PACRG: variants seen among roughly 807,000 people sequenced by gnomAD.
PACRG encodes the protein parkin coregulated gene protein.
A neutral mutation model predicts 29.7 loss-of-function variants in PACRG; 29 were observed. That is an observed-to-expected ratio of 0.98 (90% CI 0.73 to 1.33). The LOEUF (loss-of-function observed/expected upper bound fraction) is 1.33, where lower values mean the gene tolerates loss of function less well. PACRG is among the 40% of genes most tolerant of loss of function. PACRG has a pLI of 0.00. For missense variants in PACRG, 279 were observed against 316.2 expected (o/e 0.88, Z 0.89); for synonymous variants, 116 against 118.7 (o/e 0.98, Z 0.15).
At position 163,161,714 on chromosome 6, in the gene PACRG, T is replaced by C. The variant is rs140511664; in HGVS notation, c.613+72306T>C. 3.9e-5 allele frequency among the ~76,000 whole-genome samples: 6 copies of C among 152,302 alleles called. No individual in the cohort carries two copies. The East Asian group carries it at 9.7e-4, about 25-fold the overall frequency. ...GAAGTTGAAAAGGTTGTCAAGGTCC[T>C]CATTTTCTTAATTTGGTGTTTTACG... On this transcript the variant is annotated intron_variant, in intron 4 of 4. Transcript: ENST00000366888.
At chr6:162,874,279 C>T (rs923743130) in intron 2 of PACRG, among the ~76,000 whole-genome samples, 2 of 151,924 alleles carry the variant, frequency 1.3e-5, no homozygotes, top group South Asian at 4.2e-4. Flanking sequence ...ATTAATAAGA[C>T]AAACTATTTT....
chr6:162,848,817 A>G lies in PACRG; in HGVS notation c.291+34536A>G, dbSNP rs554496217. Among the ~76,000 whole-genome samples, 413 of 152,362 alleles carry G rather than the reference A, an allele frequency of 2.7e-3. 1 individual carries two copies. The highest frequency in any genetic ancestry group is 4.7e-3 in the Non-Finnish European group (323 of 68,042). On this transcript the variant is annotated intron_variant, in intron 2 of 4. Coordinates refer to ENST00000366888, the MANE Select transcript of PACRG (RefSeq NM_001080379.2). ...GCACTGGCCTAGATGACAGAAATGC[A>G]GATACTTCATACAAAATTGTCTTTG...
chr6:163,083,450 C>T (rs1813261968), intron 3 of PACRG, among the ~76,000 whole-genome samples: 1 of 152,152 alleles, frequency 6.6e-6, no homozygotes, highest in South Asian at 2.1e-4. Flanking sequence ...ACTGATGTCT[C>T]ATGTCTCCAT....
intron 2 of PACRG, among the ~76,000 whole-genome samples, chr6:163,007,491 T>A (rs941594884): frequency 6.6e-6 from 1 of 152,172 alleles, no homozygotes; most frequent in African/African-American, 2.4e-5. Flanking sequence ...GAAATGTCTT[T>A]ATTTTGTGCT....
chr6:162,763,939 C>T (rs1782578067), intron 1 of PACRG, among the ~76,000 whole-genome samples: 1 of 152,078 alleles, frequency 6.6e-6, no homozygotes, highest in Non-Finnish European at 1.5e-5. Flanking sequence ...TGAAAATAAA[C>T]TGTTAAAGTG....
intron 2 of PACRG, among the ~76,000 whole-genome samples, chr6:162,881,197 T>G (rs1361281142): frequency 6.6e-6 from 1 of 152,202 alleles, no homozygotes; most frequent in Non-Finnish European, 1.5e-5. Context: ...TTAAACGACC[T>G]GGCAGTTTTG....
At chr6:163,242,952 A>G (rs1782555271) in intron 4 of PACRG, among the ~76,000 whole-genome samples, 1 of 152,196 alleles carries the variant, frequency 6.6e-6, no homozygotes, top group South Asian at 2.1e-4. Context: ...TGTTTTGCTG[A>G]TAGTTTAGTC....
intron 2 of PACRG, among the ~76,000 whole-genome samples, chr6:162,933,624 T>TTTTTTTTTTTTTC (rs1397731253): frequency 8.2e-6 from 1 of 121,500 alleles, no homozygotes; most frequent in African/African-American, 3.0e-5. Context: ...TTTTTTTTTT[T>TTTTTTTTTTTTTC]ACTTAAAGTC....
intron 2 of PACRG, among the ~76,000 whole-genome samples, chr6:162,999,838 G>C (rs922586127): frequency 6.6e-6 from 1 of 152,126 alleles, no homozygotes; most frequent in Non-Finnish European, 1.5e-5. Flanking sequence ...CTGGTATTTT[G>C]CAGTCTTTAG....
chr6:163,049,582 A>G (rs73784000), intron 2 of PACRG, among the ~76,000 whole-genome samples: 46 of 152,206 alleles, frequency 3.0e-4, no homozygotes, highest in African/African-American at 1.0e-3. Flanking sequence ...TTTCTCTAAT[A>G]TAAAAGATCT....
At chr6:162,892,998 C>CGT (rs1288425389) in intron 2 of PACRG, among the ~76,000 whole-genome samples, 9 of 150,984 alleles carry the variant, frequency 6.0e-5, no homozygotes, top group Admixed American at 2.6e-4. Flanking sequence ...AGAAGAACCA[C>CGT]CTCAGCCTCA....
chr6:163,244,887 G>T (rs1170738545), intron 4 of PACRG: 3 of 285,850 alleles, frequency 1.0e-5, no homozygotes, highest in Non-Finnish European at 2.1e-5. Context: ...GTAAGAAATT[G>T]CTGAAAACTT....
chr6:163,245,186 A>C, intron 4 of PACRG: 1 of 336,694 alleles, frequency 3.0e-6, no homozygotes, highest in Admixed American at 3.6e-5. Context: ...TTCCCCTAGG[A>C]TGTTCTACGT....
intron 4 of PACRG, among the ~76,000 whole-genome samples, chr6:163,260,227 C>T (rs989517322): frequency 3.9e-5 from 6 of 152,254 alleles, no homozygotes; most frequent in African/African-American, 1.2e-4. Context: ...GCCCCTTCAG[C>T]GATCGCTGGC....
At chr6:162,804,518 G>T (rs1584408599) in intron 1 of PACRG, among the ~76,000 whole-genome samples, 2 of 152,180 alleles carry the variant, frequency 1.3e-5, no homozygotes, top group Non-Finnish European at 2.9e-5. Context: ...CGGTTTTGTT[G>T]CAAATTGATA....
Position 163,080,944 on chromosome 6 carries a change from T to C in PACRG, c.464-8315T>C, listed in dbSNP as rs149119179. On this transcript the variant is annotated intron_variant, in intron 3 of 4. Transcript: ENST00000366888. ...GAATTAAAGAAAAAAATGTAATCCT[T>C]ATTATAGGCTTACCTCATGTCCATA... Among the ~76,000 whole-genome samples the C allele has an allele frequency of 2.2e-3, 331 of 152,302 alleles. 2 individuals are homozygous for C. The highest frequency in any genetic ancestry group is 6.6e-3 in the African/African-American group (276 of 41,576).
intron 1 of PACRG, among the ~76,000 whole-genome samples, chr6:162,766,028 C>A (rs969107290): frequency 2.0e-5 from 3 of 152,124 alleles, no homozygotes; most frequent in South Asian, 2.1e-4. Flanking sequence ...AAATCAGGCT[C>A]ATTAGCATAT....
intron 2 of PACRG, among the ~76,000 whole-genome samples, chr6:162,843,629 C>T (rs1219753396): frequency 1.4e-3 from 184 of 133,734 alleles, no homozygotes; most frequent in African/African-American, 4.7e-3. Context: ...AGCTTTGTTC[C>T]GTTGCTGGTG....
At chr6:163,170,387 A>C (rs1779014870) in intron 4 of PACRG, 1 of 152,224 alleles carries the variant, frequency 6.6e-6, no homozygotes, top group Non-Finnish European at 1.5e-5. Context: ...TCGGAGCATT[A>C]AACTATAGGG....
Sources: allele counts gnomAD v4.1 joint callset (sites outside exome capture counted in the v4.1 genomes callset), GRCh38; gene constraint gnomAD v4.1.1; transcripts MANE v1.5; gene names NCBI Gene and HGNC (gene_info 2026-07-23, HGNC 2026-07-21).